The following IL1RAPL1 variants were observed in gnomAD, a reference collection of about 807,000 sequenced individuals.
IL1RAPL1 encodes the protein interleukin-1 receptor accessory protein-like 1.
Under a neutral mutation model 48.4 loss-of-function variants are expected in IL1RAPL1, and 3 were observed. The observed-to-expected ratio is 0.06, with a 90% confidence interval of 0.03 to 0.16. IL1RAPL1 has a LOEUF of 0.16. Among genes scored for constraint, IL1RAPL1 ranks in the 10% least tolerant of loss-of-function variants. The pLI, the probability that IL1RAPL1 is intolerant of heterozygous loss-of-function variation, is 1.00. For synonymous variants in IL1RAPL1, 185 were observed against 187.7 expected (o/e 0.99, Z 0.12); for missense variants, 349 against 530.6 (o/e 0.66, Z 3.36).
chrX:29,161,960 A>G (rs907888684), intron 2 of IL1RAPL1, among the ~76,000 whole-genome samples: 6 of 112,297 alleles, frequency 5.3e-5, no homozygotes, highest in Non-Finnish European at 1.1e-4. Flanking sequence ...ACTAACCCAA[A>G]TATGCATCAA....
At chrX:29,117,468 G>A (rs1406537072) in intron 2 of IL1RAPL1, among the ~76,000 whole-genome samples, 3 of 112,181 alleles carry the variant, frequency 2.7e-5, no homozygotes, top group South Asian at 3.6e-4. Context: ...ACACAACTTC[G>A]TGGAATTCTA....
chrX:28,814,341 T>TTGTGTGTGTGTGTGTGTGTG (rs753090480), intron 2 of IL1RAPL1, among the ~76,000 whole-genome samples: 1 of 89,744 alleles, frequency 1.1e-5, no homozygotes, highest in African/African-American at 4.2e-5. Context: ...ATTTTCAGGT[T>TTGTGTGTGTGTGTGTGTGTG]TGTGTGTGTG....
chrX:29,751,755 A>AC (rs1213708870), intron 6 of IL1RAPL1, among the ~76,000 whole-genome samples: 1 of 108,204 alleles, frequency 9.2e-6, no homozygotes, highest in Non-Finnish European at 1.9e-5. Context: ...ACATAGTGAG[A>AC]CCCCATCTCT....
chrX:28,836,336 T>TTATATATATA (rs34343530), intron 2 of IL1RAPL1, among the ~76,000 whole-genome samples: 16 of 85,329 alleles, frequency 1.9e-4, no homozygotes, highest in Admixed American at 6.5e-4. Context: ...CTTCCCAATT[T>TTATATATATA]TATATATATA....
chrX:29,396,645 C>T (rs1427639941), intron 4 of IL1RAPL1, among the ~76,000 whole-genome samples: 1 of 111,953 alleles, frequency 8.9e-6, no homozygotes, highest in Non-Finnish European at 1.9e-5. Context: ...TATTGGTAAT[C>T]CACTGTAATA....
rs147550063 is a variant in IL1RAPL1 at position 29,215,772 on chromosome X, A to G, written c.83-67166A>G. On this transcript the variant is annotated intron_variant, in intron 2 of 10. Coordinates refer to ENST00000378993, the MANE Select transcript of IL1RAPL1 (RefSeq NM_014271.4). ...ATAGAGGATCAAAATTAGATCATAG[A>G]AATCATAGAGACAGCAAACAGCATT... 9.7e-3 allele frequency among the ~76,000 whole-genome samples: 1,087 copies of G among 111,951 alleles called. 19 individuals carry two copies. Among genetic ancestry groups the G allele is most frequent in the African/African-American group, 0.034 (1,042 of 30,805 alleles).
At chrX:28,599,693 G>A (rs1933998624) in intron 1 of IL1RAPL1, among the ~76,000 whole-genome samples, 1 of 112,038 alleles carries the variant, frequency 8.9e-6, no homozygotes, top group South Asian at 3.7e-4. Flanking sequence ...AACACAGGCT[G>A]TAGATGCTCA....
chrX:28,900,134 C>T (rs1160758871), intron 2 of IL1RAPL1, among the ~76,000 whole-genome samples: 2 of 111,986 alleles, frequency 1.8e-5, no homozygotes, highest in Non-Finnish European at 3.8e-5. Flanking sequence ...AGTGGGCAGT[C>T]ATGGGTAAGG....
chrX:28,967,177 C>T (rs977079165), intron 2 of IL1RAPL1, among the ~76,000 whole-genome samples: 1 of 111,665 alleles, frequency 9.0e-6, no homozygotes, highest in African/African-American at 3.3e-5. Context: ...TGAAGCTTCT[C>T]TACCAAAGAC....
chrX:29,302,103 T>C, intron 3 of IL1RAPL1, among the ~76,000 whole-genome samples: 1 of 112,023 alleles, frequency 8.9e-6, no homozygotes. Context: ...TGTTTGACTT[T>C]TTTTTTCTTA....
chrX:28,634,980 C>T (rs1934447326), intron 1 of IL1RAPL1, among the ~76,000 whole-genome samples: 1 of 55,062 alleles, frequency 1.8e-5, no homozygotes, highest in Admixed American at 1.8e-4. Flanking sequence ...TTTTTATGAA[C>T]TCTTTGCACT....
chrX:28,675,701 G>C (rs1934989353), intron 1 of IL1RAPL1, among the ~76,000 whole-genome samples: 1 of 111,710 alleles, frequency 9.0e-6, no homozygotes, highest in Non-Finnish European at 1.9e-5. Flanking sequence ...AGAAATATGG[G>C]GGTGGGATGA....
chrX:29,465,315 C>T (rs1260363118), intron 5 of IL1RAPL1, among the ~76,000 whole-genome samples: 1 of 110,753 alleles, frequency 9.0e-6, no homozygotes, highest in Non-Finnish European at 1.9e-5. Flanking sequence ...CTGAGATGGG[C>T]GGATCGCTTG....
At chrX:29,223,423 T>C (rs976789497) in intron 2 of IL1RAPL1, among the ~76,000 whole-genome samples, 1 of 112,047 alleles carries the variant, frequency 8.9e-6, no homozygotes, top group East Asian at 2.8e-4. Context: ...TATTATGGTT[T>C]TTGTAGGTTT....
At chrX:29,009,131 G>A (rs1210316545) in intron 2 of IL1RAPL1, among the ~76,000 whole-genome samples, 1 of 112,371 alleles carries the variant, frequency 8.9e-6, no homozygotes, top group African/African-American at 3.2e-5. Context: ...TCACTTGTAA[G>A]TGGTTGCTAA....
At chrX:29,919,772 A>AT (rs1231292531) in intron 7 of IL1RAPL1, among the ~76,000 whole-genome samples, 177 bp from the exon 8 acceptor site, 1 of 112,552 alleles carries the variant, frequency 8.9e-6, no homozygotes, top group East Asian at 2.8e-4. Flanking sequence ...AAGCTTCCTC[A>AT]TTACAAGTGA....
At chrX:29,463,849 A>G (rs1485304888) in intron 5 of IL1RAPL1, among the ~76,000 whole-genome samples, 5 of 111,622 alleles carry the variant, frequency 4.5e-5, no homozygotes, top group Non-Finnish European at 9.4e-5. Context: ...AACACCATGT[A>G]AAAAGCTGTC....
intron 2 of IL1RAPL1, among the ~76,000 whole-genome samples, chrX:28,886,975 T>C: frequency 8.9e-6 from 1 of 112,195 alleles, no homozygotes; most frequent in Non-Finnish European, 1.9e-5. Flanking sequence ...TTATTTACTT[T>C]AGGTACAGTA....
chrX:29,766,342 A>AAAAAATATATAT (rs1200679211), intron 6 of IL1RAPL1, among the ~76,000 whole-genome samples: 4 of 47,507 alleles, frequency 8.4e-5, no homozygotes, highest in African/African-American at 3.6e-4. Context: ...AAAAAAAAAA[A>AAAAAATATATAT]ATATATATAT....
Sources: gnomAD v4.1 joint callset for allele counts (sites outside exome capture counted in the v4.1 genomes callset) on GRCh38, gnomAD v4.1.1 for gene constraint, MANE v1.5 for transcripts, NCBI Gene and HGNC (gene_info 2026-07-23, HGNC 2026-07-21) for gene names.